GRIN2A: variants seen among roughly 807,000 people sequenced by gnomAD.
The protein encoded by GRIN2A is glutamate ionotropic receptor NMDA type subunit 2A.
Under a neutral mutation model 113.4 loss-of-function variants are expected in GRIN2A, and 22 were observed. That is an observed-to-expected ratio of 0.19 (90% confidence interval 0.14 to 0.28). GRIN2A has a LOEUF of 0.28. Ranked by LOEUF, GRIN2A falls within the 10% of genes least tolerant of loss-of-function variation. The pLI is 1.00. For synonymous variants in GRIN2A, 827 were observed against 738.4 expected, an observed-to-expected ratio of 1.12 and a Z score of -1.94; for missense variants, 1,502 against 1,887.0, an observed-to-expected ratio of 0.80 and a Z score of 3.78.
intron 11 of GRIN2A, among the ~76,000 whole-genome samples, chr16:9,782,719 A>G (rs1902005805): frequency 6.6e-6 from 1 of 152,228 alleles, no homozygotes; most frequent in African/African-American, 2.4e-5. Flanking sequence ...CTGAATCTCA[A>G]CAGGCCCATT....
chr16:9,872,803 G>A (rs553555459), intron 4 of GRIN2A, among the ~76,000 whole-genome samples: 12 of 152,182 alleles, frequency 7.9e-5, no homozygotes, highest in African/African-American at 2.4e-4. Context: ...GGAGGGGTGG[G>A]GGAATCACCT....
chr16:10,089,345 T>C (rs1315816104), intron 2 of GRIN2A, among the ~76,000 whole-genome samples: 1 of 152,224 alleles, frequency 6.6e-6, no homozygotes, highest in Admixed American at 6.5e-5. Flanking sequence ...TCTAGATTCA[T>C]TGAAACGTTT....
At chr16:10,177,624 T>G (rs1331081694) in intron 2 of GRIN2A, among the ~76,000 whole-genome samples, 1 of 152,238 alleles carries the variant, frequency 6.6e-6, no homozygotes, top group Admixed American at 6.5e-5. Flanking sequence ...TTTTCTCTTC[T>G]TACTCTTAAG....
At chr16:9,793,474 C>T (rs568441557) in intron 11 of GRIN2A, among the ~76,000 whole-genome samples, 2 of 152,082 alleles carry the variant, frequency 1.3e-5, no homozygotes, top group South Asian at 4.2e-4. Context: ...CCAGAAATGC[C>T]ATTCTTTAAG....
chr16:10,155,010 G>C (rs1382260469), intron 2 of GRIN2A, among the ~76,000 whole-genome samples: 1 of 152,186 alleles, frequency 6.6e-6, no homozygotes, highest in Non-Finnish European at 1.5e-5. Context: ...CGTGTCTGTA[G>C]CGCAGGACTT....
intron 2 of GRIN2A, among the ~76,000 whole-genome samples, chr16:10,088,697 G>A (rs1401080530): frequency 2.0e-5 from 3 of 152,202 alleles, no homozygotes; most frequent in Non-Finnish European, 4.4e-5. Flanking sequence ...CGGCTGTGTT[G>A]TGCGAAGCCA....
chr16:10,001,955 G>C (rs901425601), intron 2 of GRIN2A, among the ~76,000 whole-genome samples: 1 of 152,106 alleles, frequency 6.6e-6, no homozygotes. Context: ...TAGATGCAGG[G>C]ATATTTATCA....
chr16:10,064,036 T>C (rs1225775759), intron 2 of GRIN2A, among the ~76,000 whole-genome samples: 1 of 152,224 alleles, frequency 6.6e-6, no homozygotes, highest in Admixed American at 6.5e-5. Flanking sequence ...TTCTGCTTTA[T>C]TCGAATCATA....
At chr16:10,169,505 C>T (rs1184329848) in intron 2 of GRIN2A, among the ~76,000 whole-genome samples, 1 of 152,132 alleles carries the variant, frequency 6.6e-6, no homozygotes, top group Non-Finnish European at 1.5e-5. Context: ...AGGATAGAGG[C>T]CCTAGAAGAA....
intron 8 of GRIN2A, among the ~76,000 whole-genome samples, chr16:9,831,104 A>C (rs1253464345): frequency 6.6e-6 from 1 of 152,188 alleles, no homozygotes; most frequent in African/African-American, 2.4e-5. Flanking sequence ...ACAAAGAAAC[A>C]AGTAGCTGTC....
intron 2 of GRIN2A, among the ~76,000 whole-genome samples, chr16:9,950,789 C>T (rs899103743): frequency 1.3e-5 from 2 of 152,184 alleles, no homozygotes; most frequent in African/African-American, 4.8e-5. Flanking sequence ...ACCCCTTAAG[C>T]CTCCGTGTCC....
chr16:9,809,059 C>T (rs945725181), intron 10 of GRIN2A, among the ~76,000 whole-genome samples: 1 of 152,188 alleles, frequency 6.6e-6, no homozygotes, highest in Non-Finnish European at 1.5e-5. Flanking sequence ...CAAACTGTGA[C>T]ATACTGCATA....
At chr16:9,979,910 T>C (rs11642373) in intron 2 of GRIN2A, among the ~76,000 whole-genome samples, 39,361 of 149,500 alleles carry the variant, frequency 0.26, 6,054 homozygotes, top group Non-Finnish European at 0.34. Flanking sequence ...AAGATATTTA[T>C]ATTATATTGA....
intron 2 of GRIN2A, among the ~76,000 whole-genome samples, chr16:10,032,439 C>A (rs2046947337): frequency 6.6e-6 from 1 of 152,160 alleles, no homozygotes; most frequent in Admixed American, 6.5e-5. Flanking sequence ...CTAAATGCCA[C>A]CTCTGCTGAG....
chr16:9,925,110 A>G (rs925147094), intron 3 of GRIN2A, among the ~76,000 whole-genome samples: 1 of 152,168 alleles, frequency 6.6e-6, no homozygotes, highest in African/African-American at 2.4e-5. Flanking sequence ...ATATTTTTGT[A>G]TTACTATAAA....
At chr16:9,995,655 C>T (rs2046209184) in intron 2 of GRIN2A, among the ~76,000 whole-genome samples, 1 of 148,046 alleles carries the variant, frequency 6.8e-6, no homozygotes, top group Non-Finnish European at 1.5e-5. Context: ...CATCTAATAA[C>T]ACCTCTGATC....
intron 2 of GRIN2A, among the ~76,000 whole-genome samples, chr16:9,982,149 C>T (rs1021736983): frequency 2.0e-5 from 3 of 152,060 alleles, no homozygotes; most frequent in African/African-American, 4.8e-5. Context: ...AAAACTGGGT[C>T]TTTTGTTGCA....
intron 2 of GRIN2A, among the ~76,000 whole-genome samples, chr16:10,040,056 T>TCCACACCACACACAC (rs1567254463): frequency 9.3e-4 from 3 of 3,236 alleles, no homozygotes; most frequent in African/African-American, 2.5e-3. Context: ...CACACCACCA[T>TCCACACCACACACAC]AAATACACTA....
intron 3 of GRIN2A, among the ~76,000 whole-genome samples, chr16:9,930,124 C>T (rs2044555018): frequency 6.6e-6 from 1 of 152,272 alleles, no homozygotes; most frequent in Admixed American, 6.5e-5. Context: ...TGACTTAGTG[C>T]TCAGGCTGAA....
Sources: gnomAD v4.1 joint callset for allele counts (sites outside exome capture counted in the v4.1 genomes callset) on GRCh38, gnomAD v4.1.1 for gene constraint, MANE v1.5 for transcripts, NCBI Gene and HGNC (gene_info 2026-07-23, HGNC 2026-07-21) for gene names.